The following DNM3 variants were observed in gnomAD, a reference collection of about 807,000 sequenced individuals.
DNM3 encodes dynamin 3, also known as dynamin-3.
DNM3 carries 47 observed loss-of-function variants against 101.6 expected under a neutral mutation model. That is an observed-to-expected ratio of 0.46 (90% CI 0.37 to 0.59). The LOEUF (loss-of-function observed/expected upper bound fraction) is 0.59, where lower values mean the gene tolerates loss of function less well. Among genes scored for constraint, DNM3 ranks in the 20% least tolerant of loss-of-function variants. The pLI is 0.00. For synonymous variants in DNM3, 385 were observed against 387.9 expected, an observed-to-expected ratio of 0.99 and a Z score of 0.09; for missense variants, 849 against 1,085.7, an observed-to-expected ratio of 0.78 and a Z score of 3.06.
chr1:172,342,312 G>A (rs776575182), intron 17 of DNM3, among the ~76,000 whole-genome samples: 1 of 152,168 alleles, frequency 6.6e-6, no homozygotes, highest in South Asian at 2.1e-4. Flanking sequence ...GCATGCATAT[G>A]TTCCTTGCAG....
intron 13 of DNM3, among the ~76,000 whole-genome samples, chr1:172,130,213 A>G (rs574546260): frequency 6.6e-6 from 1 of 152,330 alleles, no homozygotes; most frequent in African/African-American, 2.4e-5. Flanking sequence ...CAGGATGTCA[A>G]CATATTGAGG....
intron 1 of DNM3, among the ~76,000 whole-genome samples, chr1:171,877,236 C>T (rs1031868240): frequency 2.0e-5 from 3 of 152,072 alleles, no homozygotes; most frequent in African/African-American, 7.2e-5. Flanking sequence ...CTTAAAACAC[C>T]ATATGTAAAA....
chr1:171,938,940 A>T (rs2041633394), intron 2 of DNM3, among the ~76,000 whole-genome samples: 2 of 152,206 alleles, frequency 1.3e-5, no homozygotes, highest in Admixed American at 1.3e-4. Context: ...AGCTTAATAG[A>T]TTCAACTTAC....
chr1:172,291,045 T>G (rs1241035819), intron 15 of DNM3, among the ~76,000 whole-genome samples: 2 of 152,128 alleles, frequency 1.3e-5, no homozygotes, highest in East Asian at 3.9e-4. Flanking sequence ...GACAATTTGT[T>G]TGGGCAAGAT....
chr1:172,212,992 G>C (rs1040873725), intron 14 of DNM3, among the ~76,000 whole-genome samples: 4 of 151,820 alleles, frequency 2.6e-5, no homozygotes, highest in African/African-American at 9.7e-5. Context: ...GGACTGGAAA[G>C]GTGAACTAAG....
At chr1:172,273,463 T>C (rs931744969) in intron 15 of DNM3, among the ~76,000 whole-genome samples, 2 of 152,106 alleles carry the variant, frequency 1.3e-5, no homozygotes, top group African/African-American at 2.4e-5. Context: ...CAAAAAGATA[T>C]ACTTACTTCT....
chr1:172,271,784 A>G (rs1011143642), intron 15 of DNM3, among the ~76,000 whole-genome samples: 1 of 152,118 alleles, frequency 6.6e-6, no homozygotes, highest in Non-Finnish European at 1.5e-5. Flanking sequence ...ATGATTTTGT[A>G]ACATCATACA....
intron 4 of DNM3, among the ~76,000 whole-genome samples, chr1:171,998,110 G>A (rs1026583477): frequency 6.6e-6 from 1 of 152,114 alleles, no homozygotes; most frequent in Non-Finnish European, 1.5e-5. Context: ...TGATAAAAGT[G>A]CCTGTCTCAG....
chr1:172,320,413 A>T (rs2065652065), intron 16 of DNM3, among the ~76,000 whole-genome samples: 1 of 151,706 alleles, frequency 6.6e-6, no homozygotes, highest in Non-Finnish European at 1.5e-5. Context: ...AAAAAAAGAA[A>T]ATGTGGCACA....
intron 14 of DNM3, among the ~76,000 whole-genome samples, chr1:172,199,095 C>T (rs1274618732): frequency 6.6e-6 from 1 of 152,018 alleles, no homozygotes; most frequent in Non-Finnish European, 1.5e-5. Flanking sequence ...CCCAGAGATT[C>T]TGGTGTGTTG....
intron 1 of DNM3, among the ~76,000 whole-genome samples, chr1:171,901,288 A>G (rs1004939814): frequency 6.6e-6 from 1 of 151,996 alleles, no homozygotes; most frequent in Admixed American, 6.6e-5. Flanking sequence ...CGCACTCTTG[A>G]TTTTTCCATA....
At chr1:172,076,239 T>C (rs143940687) in intron 11 of DNM3, among the ~76,000 whole-genome samples, 6 of 152,362 alleles carry the variant, frequency 3.9e-5, no homozygotes, top group African/African-American at 1.4e-4. Flanking sequence ...GTTTTCTAAA[T>C]ATACAATCAT....
intron 4 of DNM3, among the ~76,000 whole-genome samples, chr1:172,030,393 T>A (rs915518993): frequency 2.6e-4 from 40 of 152,232 alleles, no homozygotes; most frequent in Admixed American, 2.6e-3. Flanking sequence ...TTACACCTTA[T>A]ACAAAAATTA....
intron 4 of DNM3, among the ~76,000 whole-genome samples, chr1:172,022,911 A>C (rs1388322304): frequency 3.3e-5 from 5 of 152,102 alleles, no homozygotes; most frequent in Non-Finnish European, 5.9e-5. Context: ...TTGCTGAATA[A>C]ATTTTTATAA....
chr1:172,225,328 G>A (rs1024464991), intron 14 of DNM3, among the ~76,000 whole-genome samples: 8 of 151,384 alleles, frequency 5.3e-5, no homozygotes, highest in Non-Finnish European at 1.2e-4. Flanking sequence ...GTAGAGACGG[G>A]GTTTAACCAT....
At chr1:172,241,049 T>C (rs568432037) in intron 14 of DNM3, among the ~76,000 whole-genome samples, 1 of 152,230 alleles carries the variant, frequency 6.6e-6, no homozygotes, top group South Asian at 2.1e-4. Flanking sequence ...ACTGCTATTA[T>C]AGAGGTAGTT....
At chr1:171,982,673 T>TGC (rs1346008185) in intron 2 of DNM3, among the ~76,000 whole-genome samples, 1 of 151,642 alleles carries the variant, frequency 6.6e-6, no homozygotes, top group Non-Finnish European at 1.5e-5. Flanking sequence ...TGTGTGTGTG[T>TGC]GTGTGTGTGT....
intron 1 of DNM3, chr1:171,864,764 T>A (rs1329191254): frequency 6.6e-6 from 1 of 152,240 alleles, no homozygotes; most frequent in East Asian, 1.9e-4. Flanking sequence ...ATTGAATATT[T>A]GTAAATAGTG....
At chr1:172,072,314 A>G (rs1300212892) in intron 11 of DNM3, among the ~76,000 whole-genome samples, 2 of 152,196 alleles carry the variant, frequency 1.3e-5, no homozygotes, top group Non-Finnish European at 2.9e-5. Context: ...CTCTGACTGT[A>G]TGAATTTTTT....
Sources: gnomAD v4.1 joint callset for allele counts (sites outside exome capture counted in the v4.1 genomes callset) on GRCh38, gnomAD v4.1.1 for gene constraint, MANE v1.5 for transcripts, NCBI Gene and HGNC (gene_info 2026-07-23, HGNC 2026-07-21) for gene names.